The following ZC3H12B variants were observed in gnomAD, a reference collection of about 807,000 sequenced individuals.
ZC3H12B encodes the protein probable ribonuclease ZC3H12B.
Under a neutral mutation model 43.9 loss-of-function variants are expected in ZC3H12B, and 7 were observed. That is an observed-to-expected ratio of 0.16 (90% CI 0.09 to 0.30). The LOEUF (loss-of-function observed/expected upper bound fraction) is 0.30, where lower values mean the gene tolerates loss of function less well. ZC3H12B is among the 10% of genes least tolerant of loss of function. The pLI, the probability that ZC3H12B is intolerant of heterozygous loss-of-function variation, is 1.00. For missense variants in ZC3H12B, 475 were observed against 670.2 expected, an observed-to-expected ratio of 0.71 and a Z score of 3.22; for synonymous variants, 222 against 241.7, an observed-to-expected ratio of 0.92 and a Z score of 0.76.
chrX:65,427,751 T>G (rs2148100400), intron 3 of ZC3H12B, among the ~76,000 whole-genome samples: 1 of 112,001 alleles, frequency 8.9e-6, no homozygotes, highest in East Asian at 2.8e-4. Flanking sequence ...ATTGGGGCAT[T>G]TAGTCCATTT....
chrX:65,067,481 A>T, the ZC3H12B span, among the ~76,000 whole-genome samples: 4 of 109,994 alleles, frequency 3.6e-5, no homozygotes, highest in African/African-American at 1.3e-4. Flanking sequence ...CCCACTGTCT[A>T]ACCAGTCCCA....
At chrX:65,358,824 T>A in the ZC3H12B span, among the ~76,000 whole-genome samples, 6 of 111,125 alleles carry the variant, frequency 5.4e-5, no homozygotes, top group African/African-American at 2.0e-4. Flanking sequence ...GGCAAGCTTT[T>A]CAACAGATTT....
chrX:65,291,211 G>A, the ZC3H12B span, among the ~76,000 whole-genome samples: 1 of 111,170 alleles, frequency 9.0e-6, no homozygotes, highest in Non-Finnish European at 1.9e-5. Flanking sequence ...GTAAAATTGT[G>A]CAACCACTAT....
chrX:65,461,361 C>G (rs370594596), intron 3 of ZC3H12B, among the ~76,000 whole-genome samples: 1 of 112,092 alleles, frequency 8.9e-6, no homozygotes, highest in Non-Finnish European at 1.9e-5. Flanking sequence ...GGGTATATAA[C>G]CAAAGGATTA....
At chrX:65,374,053 AAC>A (rs2066305212) in intron 2 of ZC3H12B, among the ~76,000 whole-genome samples, 1 of 62,135 alleles carries the variant, frequency 1.6e-5, no homozygotes, top group Non-Finnish European at 2.7e-5. Context: ...CAGTATATAT[AAC>A]TATATATATA....
chrX:65,362,001 A>T (rs1451660561), upstream of ZC3H12B, among the ~76,000 whole-genome samples: 5 of 112,229 alleles, frequency 4.5e-5, no homozygotes, highest in Admixed American at 4.7e-4. Context: ...AAGTGCCAGA[A>T]ATCTGGCCAC....
intron 2 of ZC3H12B, among the ~76,000 whole-genome samples, chrX:65,379,429 A>C (rs1057398178): frequency 1.1e-4 from 12 of 112,106 alleles, no homozygotes; most frequent in African/African-American, 2.6e-4. Flanking sequence ...ACAAACAGAA[A>C]GGACATCCAC....
chrX:65,491,435 G>A (rs866723845), intron 1 of ZC3H12B, among the ~76,000 whole-genome samples: 2 of 111,259 alleles, frequency 1.8e-5, no homozygotes, highest in African/African-American at 6.5e-5. Flanking sequence ...GGCCAGGTAC[G>A]GTGGCTCACA....
the ZC3H12B span, among the ~76,000 whole-genome samples, chrX:65,220,413 C>T: frequency 2.7e-4 from 30 of 111,457 alleles, no homozygotes; most frequent in Admixed American, 6.7e-4. Flanking sequence ...ACAGAATGGC[C>T]GAATGGATAA....
At chrX:65,113,985 GTATATATATATA>G in the ZC3H12B span, among the ~76,000 whole-genome samples, 6,363 of 47,426 alleles carry the variant, frequency 0.13, 858 homozygotes, top group African/African-American at 0.33. Context: ...AGATATGCTT[GTATATATATATA>G]TATATATATA....
chrX:65,191,620 G>T, the ZC3H12B span, among the ~76,000 whole-genome samples: 7 of 95,495 alleles, frequency 7.3e-5, no homozygotes, highest in Non-Finnish European at 1.4e-4. Context: ...ATGGTAGTTT[G>T]TATTTCTGTG....
the ZC3H12B span, among the ~76,000 whole-genome samples, chrX:65,054,137 C>A: frequency 8.9e-6 from 1 of 111,777 alleles, no homozygotes; most frequent in Non-Finnish European, 1.9e-5. Context: ...TCAATTTTGG[C>A]TTTTGTTGCC....
intron 3 of ZC3H12B, among the ~76,000 whole-genome samples, chrX:65,417,817 C>T: frequency 8.9e-6 from 1 of 112,735 alleles, no homozygotes; most frequent in East Asian, 2.8e-4. Context: ...TGAGACAGAC[C>T]TTGGTAGATA....
chrX:65,134,130 G>A, the ZC3H12B span, among the ~76,000 whole-genome samples: 3 of 110,920 alleles, frequency 2.7e-5, no homozygotes, highest in African/African-American at 9.8e-5. Flanking sequence ...GGGGAATGGA[G>A]GGTGGAAGGT....
the ZC3H12B span, among the ~76,000 whole-genome samples, chrX:65,053,110 CT>C: frequency 4.6e-5 from 5 of 109,290 alleles, no homozygotes; most frequent in African/African-American, 1.0e-4. Flanking sequence ...ATTTGTGTGT[CT>C]TTTTTTTTAA....
intron 3 of ZC3H12B, among the ~76,000 whole-genome samples, chrX:65,420,187 G>T (rs1320774787): frequency 8.9e-6 from 1 of 111,877 alleles, no homozygotes; most frequent in Non-Finnish European, 1.9e-5. Context: ...TGCCCTGGCA[G>T]ACCCAAAGCC....
intron 2 of ZC3H12B, among the ~76,000 whole-genome samples, chrX:65,397,598 C>T (rs915397439): frequency 1.8e-5 from 2 of 110,971 alleles, no homozygotes; most frequent in African/African-American, 3.3e-5. Flanking sequence ...AGAATAACAC[C>T]CTCAAAAAGC....
chrX:65,328,537 T>A, the ZC3H12B span: 1 of 207,955 alleles, frequency 4.8e-6, no homozygotes. Flanking sequence ...TTTTTATATG[T>A]ATCACATTGT....
chrX:65,457,446 G>C (rs1176720182), intron 3 of ZC3H12B, among the ~76,000 whole-genome samples: 1 of 82,489 alleles, frequency 1.2e-5, no homozygotes, highest in Admixed American at 1.2e-4. Context: ...GGTGGTGGGG[G>C]GGTCAGCCCC....
Sources: allele counts gnomAD v4.1 joint callset (sites outside exome capture counted in the v4.1 genomes callset), GRCh38; gene constraint gnomAD v4.1.1; transcripts MANE v1.5; gene names NCBI Gene and HGNC (gene_info 2026-07-23, HGNC 2026-07-21).